The following OR2L13 variants were observed in gnomAD, a reference collection of about 807,000 sequenced individuals.
The protein encoded by OR2L13 is olfactory receptor family 2 subfamily L member 13, also known as olfactory receptor 2L13.
In OR2L13, 14 loss-of-function variants were observed where a neutral mutation model predicts 15.3. The observed-to-expected ratio is 0.91, with a 90% CI of 0.60 to 1.43. The LOEUF (loss-of-function observed/expected upper bound fraction) is 1.43, where lower values mean the gene tolerates loss of function less well. OR2L13 is among the 40% of genes most tolerant of loss of function. The pLI is 0.00. For missense variants in OR2L13, 367 were observed against 387.9 expected (o/e 0.95, Z 0.45); for synonymous variants, 152 against 142.9 (o/e 1.06, Z -0.45).
At chr1:248,027,525 A>G in the OR2L13 span, among the ~76,000 whole-genome samples, 2 of 152,098 alleles carry the variant, frequency 1.3e-5, no homozygotes, top group African/African-American at 4.8e-5. Flanking sequence ...GCACCACGGA[A>G]CCTGCCAACA....
At chr1:248,024,231 G>C in the OR2L13 span, 4 of 152,022 alleles carry the variant, frequency 2.6e-5, no homozygotes, top group Non-Finnish European at 4.4e-5. Context: ...AATTTGTAAT[G>C]ATAGCCATTA....
At chr1:247,959,357 T>G in the OR2L13 span, among the ~76,000 whole-genome samples, 76,252 of 152,040 alleles carry the variant, frequency 0.5, 22,199 homozygotes, top group Non-Finnish European at 0.64. Flanking sequence ...TAGACTTTTC[T>G]TTCTGGCTGC....
the OR2L13 span, among the ~76,000 whole-genome samples, chr1:247,988,687 C>A: frequency 0.039 from 5,912 of 152,060 alleles, 358 homozygotes; most frequent in African/African-American, 0.13. Flanking sequence ...GACTTCAGTC[C>A]TTTTAGGCAT....
chr1:247,947,556 GC>G, the OR2L13 span, among the ~76,000 whole-genome samples: 4 of 152,160 alleles, frequency 2.6e-5, no homozygotes, highest in South Asian at 6.2e-4. Flanking sequence ...TTAGGCAATT[GC>G]ATGCTCCTCC....
the OR2L13 span, chr1:248,003,927 C>T: frequency 3.7e-6 from 6 of 1,613,080 alleles, no homozygotes; most frequent in Non-Finnish European, 5.1e-6. Flanking sequence ...TCCCTGTAAT[C>T]TCCAACAGAG....
chr1:247,981,184 G>T, the OR2L13 span, among the ~76,000 whole-genome samples: 1 of 152,090 alleles, frequency 6.6e-6, no homozygotes, highest in South Asian at 2.1e-4. Context: ...AAGAGATGGG[G>T]CTAAATTACA....
chr1:247,965,514 C>A, the OR2L13 span: 1 of 1,613,316 alleles, frequency 6.2e-7, no homozygotes, highest in East Asian at 2.2e-5. Context: ...TCATGCTGAT[C>A]CACCTCATTC....
the OR2L13 span, among the ~76,000 whole-genome samples, chr1:248,001,662 A>G: frequency 2.0e-5 from 3 of 152,014 alleles, no homozygotes; most frequent in South Asian, 2.1e-4. Flanking sequence ...TGAAACAGAA[A>G]CATCATGGCT....
chr1:248,089,682 C>T, the OR2L13 span, among the ~76,000 whole-genome samples: 1 of 152,108 alleles, frequency 6.6e-6, no homozygotes, highest in Non-Finnish European at 1.5e-5. Context: ...TAACATTTGT[C>T]CCTGAGTTGT....
At chr1:248,080,501 T>C in the OR2L13 span, among the ~76,000 whole-genome samples, 1,060 of 152,256 alleles carry the variant, frequency 7.0e-3, 15 homozygotes, top group African/African-American at 0.024. Flanking sequence ...TTCTTCAACT[T>C]CCACTTATGA....
the OR2L13 span, among the ~76,000 whole-genome samples, chr1:247,994,068 A>C: frequency 6.6e-6 from 1 of 152,156 alleles, no homozygotes; most frequent in Non-Finnish European, 1.5e-5. Context: ...CCCAACCACA[A>C]TTGATTCCCA....
At chr1:248,049,030 T>A in the OR2L13 span, among the ~76,000 whole-genome samples, 1 of 151,978 alleles carries the variant, frequency 6.6e-6, no homozygotes, top group African/African-American at 2.4e-5. Flanking sequence ...ATTTTTTCTT[T>A]GAGAATAGCT....
the OR2L13 span, among the ~76,000 whole-genome samples, chr1:248,086,923 G>C: frequency 2.0e-5 from 3 of 150,306 alleles, no homozygotes; most frequent in Admixed American, 2.0e-4. Context: ...AGCTCTTCTA[G>C]GCACTTTATT....
the OR2L13 span, among the ~76,000 whole-genome samples, chr1:248,080,207 T>C: frequency 6.6e-6 from 1 of 152,216 alleles, no homozygotes; most frequent in African/African-American, 2.4e-5. Context: ...TAAATAAATC[T>C]GTATTAATGT....
the OR2L13 span, among the ~76,000 whole-genome samples, chr1:248,051,802 A>G: frequency 6.6e-6 from 1 of 151,018 alleles, no homozygotes; most frequent in African/African-American, 2.5e-5. Flanking sequence ...TATTTATTTC[A>G]TTCAGAACTA....
chr1:247,960,745 G>A, the OR2L13 span, among the ~76,000 whole-genome samples: 121,495 of 152,160 alleles, frequency 0.8, 52,699 homozygotes, highest in South Asian at 0.95. Flanking sequence ...TGAGCTAGGC[G>A]CGGGATTAAT....
chr1:247,989,095 A>G, the OR2L13 span, among the ~76,000 whole-genome samples: 1 of 152,122 alleles, frequency 6.6e-6, no homozygotes, highest in Non-Finnish European at 1.5e-5. Flanking sequence ...TAACTTAAGA[A>G]TTCTGAAATT....
chr1:247,978,898 T>C, the OR2L13 span, among the ~76,000 whole-genome samples: 1 of 152,014 alleles, frequency 6.6e-6, no homozygotes, highest in Non-Finnish European at 1.5e-5. Context: ...GATGATTCTG[T>C]CCTGAGATCC....
chr1:248,057,697 T>G, the OR2L13 span, among the ~76,000 whole-genome samples: 1 of 152,184 alleles, frequency 6.6e-6, no homozygotes. Context: ...ATTTTCAATG[T>G]ATAAAGTTTT....
Sources: gnomAD v4.1 joint callset for allele counts (sites outside exome capture counted in the v4.1 genomes callset) on GRCh38, gnomAD v4.1.1 for gene constraint, MANE v1.5 for transcripts, NCBI Gene and HGNC (gene_info 2026-07-23, HGNC 2026-07-21) for gene names.